SATB2: variants seen among roughly 807,000 people sequenced by gnomAD.
The protein encoded by SATB2 is SATB homeobox 2.
In SATB2, 1 loss-of-function variant was observed where a neutral mutation model predicts 73.4. That is an observed-to-expected ratio of 0.01 (90% CI 0.00 to 0.06). The LOEUF is 0.06. Ranked by LOEUF, SATB2 falls within the 10% of genes least tolerant of loss-of-function variation. The probability of loss-of-function intolerance (pLI) is 1.00; values close to 1 mark genes in which losing one functional copy is unlikely to be tolerated. For synonymous variants in SATB2, 397 were observed against 367.0 expected, an observed-to-expected ratio of 1.08 and a Z score of -0.93; for missense variants, 459 against 945.8, an observed-to-expected ratio of 0.49 and a Z score of 6.75.
chr2:199,465,845 A>G (rs1219690899), upstream of SATB2, among the ~76,000 whole-genome samples: 1 of 152,230 alleles, frequency 6.6e-6, no homozygotes, highest in Non-Finnish European at 1.5e-5. Flanking sequence ...AATGAAGAGT[A>G]TTTCTGAATC....
intron 10 of SATB2, among the ~76,000 whole-genome samples, chr2:199,306,747 A>G (rs553070726): frequency 2.6e-5 from 4 of 152,172 alleles, no homozygotes; most frequent in Non-Finnish European, 5.9e-5. Context: ...TTAGCTACCT[A>G]AATACAGGGC....
At chr2:199,340,109 A>G (rs990442935) in intron 7 of SATB2, among the ~76,000 whole-genome samples, 1 of 152,220 alleles carries the variant, frequency 6.6e-6, no homozygotes, top group Admixed American at 6.5e-5. Context: ...CTTTCCTGAT[A>G]CATCGTTCAA....
At chr2:199,336,296 A>G (rs1422276940) in intron 7 of SATB2, among the ~76,000 whole-genome samples, 8 of 152,086 alleles carry the variant, frequency 5.3e-5, no homozygotes, top group African/African-American at 1.4e-4. Flanking sequence ...GGGCACATAC[A>G]TGGTTTCTAC....
chr2:199,290,620 G>T lies in SATB2; in HGVS notation c.1741-17948C>A, dbSNP rs538524322. Among the ~76,000 whole-genome samples the T allele has an allele frequency of 2.2e-4, 33 of 152,216 alleles. 2 individuals carry two copies. The South Asian group carries it at 3.5e-3, about 16-fold the overall frequency. On this transcript the variant is annotated intron_variant, in intron 10 of 10. Transcript: ENST00000417098. ...CATGCACACATACACTTTGTATACA[G>T]GTTAATAAATACCATAGGTTAATAA... is the stretch of plus-strand genomic sequence containing the variant.
At chr2:199,328,327 G>A (rs775338184) in intron 8 of SATB2, among the ~76,000 whole-genome samples, 15 of 152,130 alleles carry the variant, frequency 9.9e-5, no homozygotes, top group Non-Finnish European at 1.5e-4. Context: ...GATCACCTGA[G>A]GTCAGGAGTT....
At chr2:199,280,183 G>C (rs1404302730) in intron 10 of SATB2, among the ~76,000 whole-genome samples, 5 of 152,152 alleles carry the variant, frequency 3.3e-5, no homozygotes, top group African/African-American at 1.2e-4. Flanking sequence ...TGCAATCTCT[G>C]AACATAAATT....
At chr2:199,462,103 C>G (rs958815475), upstream of SATB2, among the ~76,000 whole-genome samples, 9 of 152,200 alleles carry the variant, frequency 5.9e-5, no homozygotes, top group African/African-American at 2.2e-4. This position sits in a 1 kb window ranked among gnomAD's most constrained non-coding sequence, Gnocchi z 5.9. Flanking sequence ...GGCAGAGAGA[C>G]CCTGCCTTTT....
Position 199,387,791 on chromosome 2 carries a change from A to C in SATB2, c.347-5971T>G, listed in dbSNP as rs112257504. On this transcript the variant is annotated intron_variant, in intron 3 of 10. Transcript: ENST00000417098. ...AAATAACAAAATGCAATTGTAGGTA[A>C]ATTTCCCATTAGTGATATAAAATTA... Among the ~76,000 whole-genome samples, 236 of 152,344 alleles carry C rather than the reference A, an allele frequency of 1.5e-3. 1 individual carries two copies. Among genetic ancestry groups the C allele is most frequent in the Non-Finnish European group, 9.4e-4 (64 of 68,032 alleles).
At chr2:199,458,357 GGGA>G (rs1692360084), upstream of SATB2, 1 of 282,588 alleles carries the variant, frequency 3.5e-6, no homozygotes, top group South Asian at 2.7e-5. Flanking sequence ...GTGGGAGGCA[GGGA>G]GGAGGGAAGA....
In SATB2 at chr2:199,282,810, C is replaced by G. The variant is rs185613919; in HGVS notation, c.1741-10138G>C. On this transcript the variant is annotated intron_variant, in intron 10 of 10. Coordinates refer to ENST00000417098, the MANE Select transcript of SATB2 (RefSeq NM_001172509.2). Reference sequence around the variant, plus strand: ...TACAAATAGGCACATCTACTGATAACTTTTCTTATTTCTTTCACTCAAATA... The same window carrying G: ...TACAAATAGGCACATCTACTGATAAGTTTTCTTATTTCTTTCACTCAAATA... Among the ~76,000 whole-genome samples the G allele has an allele frequency of 2.6e-5, 4 of 152,286 alleles. No homozygotes were observed. The East Asian group carries it at 7.7e-4, about 29-fold the overall frequency.
At chr2:199,361,101 T>C (rs2105840440) in intron 6 of SATB2, among the ~76,000 whole-genome samples, 1 of 152,210 alleles carries the variant, frequency 6.6e-6, no homozygotes, top group East Asian at 1.9e-4. Context: ...TCAATTGTCA[T>C]CCAAAAAAGT....
chr2:199,421,732 T>C (rs1691176578), intron 3 of SATB2, among the ~76,000 whole-genome samples: 1 of 152,196 alleles, frequency 6.6e-6, no homozygotes. Flanking sequence ...TAAAGTTTCC[T>C]GACACAATGT....
At chr2:199,275,662 G>A (rs1692291868) in intron 10 of SATB2, among the ~76,000 whole-genome samples, 1 of 152,006 alleles carries the variant, frequency 6.6e-6, no homozygotes, top group Non-Finnish European at 1.5e-5. Context: ...CTCAAGAGAA[G>A]TAATAGTCAG....
chr2:199,308,188 G>A lies in SATB2; in HGVS notation c.1740+572C>T, dbSNP rs1355473526. Among the ~76,000 whole-genome samples the A allele has an allele frequency of 2.0e-5, 3 of 152,202 alleles. No individual in the cohort carries two copies. The highest frequency in any genetic ancestry group is 2.9e-5 in the Non-Finnish European group (2 of 68,012). ...AGCAAAAACTAAGCCAACAAAACAC[G>A]CAATCCAAAGGAAGGCAGATTTCTA... On this transcript the variant is annotated intron_variant, in intron 10 of 10. Coordinates refer to ENST00000417098, the MANE Select transcript of SATB2 (RefSeq NM_001172509.2). The surrounding 1 kb of genome is among the most constrained non-coding windows in gnomAD (Gnocchi z 4.6).
intron 10 of SATB2, among the ~76,000 whole-genome samples, chr2:199,305,385 A>G (rs1687402293): frequency 6.6e-6 from 1 of 152,162 alleles, no homozygotes; most frequent in African/African-American, 2.4e-5. Context: ...GTCCGAAAAA[A>G]TAACTAATGG....
intron 7 of SATB2, among the ~76,000 whole-genome samples, chr2:199,337,642 T>C (rs1015981532): frequency 7.2e-5 from 11 of 152,172 alleles, no homozygotes; most frequent in Non-Finnish European, 1.3e-4. Flanking sequence ...CAGCTCATGA[T>C]GTAAAAAGTA....
intron 9 of SATB2, among the ~76,000 whole-genome samples, chr2:199,321,889 C>A (rs1470622588): frequency 7.2e-5 from 11 of 152,010 alleles, no homozygotes; most frequent in Non-Finnish European, 1.6e-4. Context: ...AAAGGAACAA[C>A]CTCAAAGCAT....
chr2:199,441,956 C>T (rs1691828663), intron 2 of SATB2, among the ~76,000 whole-genome samples: 1 of 152,186 alleles, frequency 6.6e-6, no homozygotes, highest in African/African-American at 2.4e-5. Flanking sequence ...AACTCTGCCA[C>T]AGCAAGCCTG....
intron 2 of SATB2, among the ~76,000 whole-genome samples, chr2:199,444,944 T>C (rs1691921878): frequency 6.6e-6 from 1 of 152,218 alleles, no homozygotes; most frequent in African/African-American, 2.4e-5. Context: ...ATGGCTTTAC[T>C]GAGTCATTCT....
Sources: allele counts gnomAD v4.1 joint callset (sites outside exome capture counted in the v4.1 genomes callset), GRCh38; gene constraint gnomAD v4.1.1; non-coding constraint Gnocchi (gnomAD v3.1); transcripts MANE v1.5; gene names NCBI Gene and HGNC (gene_info 2026-07-23, HGNC 2026-07-21).